The following PPARG variants were observed in gnomAD, a reference collection of about 807,000 sequenced individuals.
The protein encoded by PPARG is peroxisome proliferator activated receptor gamma, also known as peroxisome proliferator-activated receptor gamma.
Under a neutral mutation model 39.2 loss-of-function variants are expected in PPARG, and 17 were observed. The ratio of observed to expected loss-of-function variants is 0.43; its 90% confidence interval spans 0.30 to 0.65. PPARG has a LOEUF of 0.65. Among genes scored for constraint, PPARG ranks in the 30% least tolerant of loss-of-function variants. The pLI is 0.13. For missense variants in PPARG, 406 were observed against 585.9 expected (o/e 0.69, Z 3.17); for synonymous variants, 223 against 215.7 (o/e 1.03, Z -0.30).
At position 12,411,357 on chromosome 3, in the gene PPARG, G is replaced by A. The variant is rs145931910; in HGVS notation, c.729+5276G>A. On this transcript the variant is annotated intron_variant, in intron 6 of 7. Transcript: ENST00000651735. The stretch of plus-strand genomic sequence containing the variant: ...CATATTAAGTTTTCATTTGTTTGTC[G>A]TAAATCTCTAAACCCTGCAGGAAAG... Among the ~76,000 whole-genome samples the A allele has an allele frequency of 4.6e-5, 7 of 152,084 alleles. No homozygotes were observed. The East Asian group carries it at 7.7e-4, about 17-fold the overall frequency.
intron 7 of PPARG, among the ~76,000 whole-genome samples, chr3:12,433,205 T>G (rs2051720275): frequency 6.6e-6 from 1 of 152,176 alleles, no homozygotes; most frequent in Non-Finnish European, 1.5e-5. Flanking sequence ...GAGTAGAAGC[T>G]ATAAAACGTA....
intron 1 of PPARG, among the ~76,000 whole-genome samples, chr3:12,307,027 G>A (rs1208130556): frequency 3.4e-5 from 5 of 147,708 alleles, no homozygotes; most frequent in African/African-American, 7.6e-5. Context: ...GAACCCGGGA[G>A]GCAGAGATTG....
intron 5 of PPARG, among the ~76,000 whole-genome samples, chr3:12,394,058 C>T (rs1276498677): frequency 1.3e-5 from 2 of 152,142 alleles, no homozygotes; most frequent in African/African-American, 4.8e-5. Flanking sequence ...TGGTTCAGTT[C>T]CATCAGTTTC....
intron 1 of PPARG, among the ~76,000 whole-genome samples, chr3:12,293,831 G>T (rs1290136315): frequency 6.6e-6 from 1 of 152,168 alleles, no homozygotes; most frequent in East Asian, 1.9e-4. Context: ...CTGTCAAACT[G>T]TTCGAGTGCA....
intron 2 of PPARG, among the ~76,000 whole-genome samples, chr3:12,368,063 T>C (rs1174496927): frequency 6.6e-6 from 1 of 152,110 alleles, no homozygotes; most frequent in Non-Finnish European, 1.5e-5. Context: ...TCAGAAACAT[T>C]GAATTTGGTT....
At chr3:12,350,800 A>G (rs1300305704) in intron 2 of PPARG, among the ~76,000 whole-genome samples, 1 of 152,248 alleles carries the variant, frequency 6.6e-6, no homozygotes, top group Non-Finnish European at 1.5e-5. Flanking sequence ...ATGTTCAAAC[A>G]TCAGCTGGTG....
intron 2 of PPARG, among the ~76,000 whole-genome samples, chr3:12,361,062 G>A (rs1312147784): frequency 1.3e-5 from 2 of 152,150 alleles, no homozygotes; most frequent in East Asian, 3.9e-4. Flanking sequence ...ACCATCACTG[G>A]TACTTGGCAT....
chr3:12,331,817 G>A (rs754098789), intron 2 of PPARG, among the ~76,000 whole-genome samples: 6 of 152,170 alleles, frequency 3.9e-5, no homozygotes, highest in South Asian at 4.1e-4. Flanking sequence ...GAGATTGGTG[G>A]CAGCATTTAC....
At chr3:12,363,432 T>C (rs2048917270) in intron 2 of PPARG, among the ~76,000 whole-genome samples, 1 of 152,240 alleles carries the variant, frequency 6.6e-6, no homozygotes, top group African/African-American at 2.4e-5. Flanking sequence ...CCTTGTCTTC[T>C]CATTAAGAGT....
intron 5 of PPARG, among the ~76,000 whole-genome samples, chr3:12,396,637 G>A (rs12632365): frequency 0.036 from 5,435 of 151,764 alleles, 282 homozygotes; most frequent in East Asian, 0.29. Flanking sequence ...TTGTGCCTGT[G>A]GTTTCAGCTA....
At chr3:12,322,820 CAG>C (rs2047582979) in intron 2 of PPARG, among the ~76,000 whole-genome samples, 1 of 151,842 alleles carries the variant, frequency 6.6e-6, no homozygotes, top group Non-Finnish European at 1.5e-5. Context: ...TTGTTTTTTT[CAG>C]ACAGGGTCTC....
intron 2 of PPARG, among the ~76,000 whole-genome samples, chr3:12,356,965 A>G (rs1209829474): frequency 4.6e-5 from 7 of 152,188 alleles, no homozygotes; most frequent in Admixed American, 2.6e-4. Context: ...CTCTGAATTC[A>G]TTGCTGTTCA....
intron 4 of PPARG, among the ~76,000 whole-genome samples, chr3:12,382,684 T>C (rs2049722758): frequency 6.6e-6 from 1 of 152,192 alleles, no homozygotes; most frequent in South Asian, 2.1e-4. Context: ...TATAAAATGA[T>C]TGTGGCTGAG....
At chr3:12,327,018 T>C (rs1460290820) in intron 2 of PPARG, among the ~76,000 whole-genome samples, 3 of 152,220 alleles carry the variant, frequency 2.0e-5, no homozygotes, top group African/African-American at 7.2e-5. Context: ...TTAACTATTT[T>C]TTTTCAAAAT....
intron 1 of PPARG, among the ~76,000 whole-genome samples, chr3:12,296,601 A>G (rs1225920635): frequency 6.6e-6 from 1 of 152,156 alleles, no homozygotes; most frequent in Admixed American, 6.5e-5. Flanking sequence ...CCATCCTATA[A>G]AACTACCCCC....
chr3:12,298,402 G>GAC (rs561853093), intron 1 of PPARG, among the ~76,000 whole-genome samples: 6,031 of 140,266 alleles, frequency 0.043, 163 homozygotes, highest in East Asian at 0.18. Context: ...TATATGTATA[G>GAC]ACACACACAC....
At chr3:12,427,028 CT>C (rs2051472875) in intron 7 of PPARG, among the ~76,000 whole-genome samples, 1 of 152,134 alleles carries the variant, frequency 6.6e-6, no homozygotes, top group Non-Finnish European at 1.5e-5. Context: ...CATTCGTTTG[CT>C]TTTTTAGTCT....
intron 7 of PPARG, among the ~76,000 whole-genome samples, chr3:12,419,832 T>C (rs1308552882): frequency 6.6e-6 from 1 of 152,166 alleles, no homozygotes; most frequent in Admixed American, 6.5e-5. Flanking sequence ...TAATATTTAA[T>C]TTATTTCAAA....
intron 2 of PPARG, among the ~76,000 whole-genome samples, chr3:12,362,504 G>C (rs548517335): frequency 3.3e-5 from 5 of 151,644 alleles, no homozygotes; most frequent in Non-Finnish European, 7.4e-5. Flanking sequence ...GGGCAACAGA[G>C]TGAGACTTCG....
Sources: allele counts gnomAD v4.1 joint callset (sites outside exome capture counted in the v4.1 genomes callset), GRCh38; gene constraint gnomAD v4.1.1; transcripts MANE v1.5; gene names NCBI Gene and HGNC (gene_info 2026-07-23, HGNC 2026-07-21).